Variants in THRB observed in about 807,000 individuals in gnomAD.
THRB encodes the protein thyroid hormone receptor beta, also known as nuclear receptor subfamily 1 group A member 2.
THRB carries 12 observed loss-of-function variants against 47.8 expected under a neutral mutation model. The observed-to-expected ratio is 0.25, with a 90% confidence interval of 0.16 to 0.41. The LOEUF is 0.41. THRB is among the 10% of genes least tolerant of loss of function. THRB has a pLI of 1.00. For missense variants in THRB, 348 were observed against 589.2 expected (o/e 0.59, Z 4.24); for synonymous variants, 218 against 212.2 (o/e 1.03, Z -0.24).
At chr3:24,334,974 C>A (rs9823395) in intron 2 of THRB, among the ~76,000 whole-genome samples, 2 of 151,946 alleles carry the variant, frequency 1.3e-5, no homozygotes, top group Non-Finnish European at 2.9e-5. Flanking sequence ...TTCTCACTTA[C>A]GGAATTCTTT....
chr3:24,127,909 C>T (rs1483535532), intron 9 of THRB, 152 bp from the exon 10 acceptor site: 1 of 918,394 alleles, frequency 1.1e-6, no homozygotes, highest in Non-Finnish European at 1.7e-6. Context: ...CCCTACTTGG[C>T]TGCAGACTTT....
chr3:24,274,711 T>C (rs533651817), intron 3 of THRB, among the ~76,000 whole-genome samples: 41 of 152,324 alleles, frequency 2.7e-4, no homozygotes, highest in African/African-American at 9.4e-4. Flanking sequence ...AAGATTCATC[T>C]TATTTGGTTC....
chr3:24,183,368 C>CTT (rs1193344905), intron 5 of THRB, among the ~76,000 whole-genome samples: 6,804 of 84,044 alleles, frequency 0.081, 616 homozygotes, highest in African/African-American at 0.23. Context: ...TTTTTCTTTT[C>CTT]TTTTTTTTTT....
At chr3:24,145,413 C>T (rs2035954776) in intron 7 of THRB, among the ~76,000 whole-genome samples, 1 of 152,130 alleles carries the variant, frequency 6.6e-6, no homozygotes, top group African/African-American at 2.4e-5. Flanking sequence ...TTTTAAACCT[C>T]ATAGACACTA....
In THRB at chr3:24,210,406, G is replaced by GTT. The variant is rs754811936; in HGVS notation, c.22+18530_22+18531dup. Reference sequence around the variant, plus strand: ...GGATCTCACCCAGGTTGGTTTATTTGTTTGTTTTTTTTTTTTGCTTCTGTG... The same window carrying GTT: ...GGATCTCACCCAGGTTGGTTTATTTGTTTTTGTTTTTTTTTTTTGCTTCTGTG... On this transcript the variant is annotated intron_variant, in intron 4 of 10. Transcript: ENST00000646209. 1.2e-3 allele frequency among the ~76,000 whole-genome samples: 179 copies of GTT among 150,324 alleles called. 5 individuals carry two copies. The South Asian group carries it at 0.035, about 29-fold the overall frequency.
intron 3 of THRB, among the ~76,000 whole-genome samples, chr3:24,229,479 C>A (rs4858593): frequency 0.58 from 88,014 of 152,028 alleles, 26,090 homozygotes; most frequent in African/African-American, 0.66. Context: ...TGTGCACTTT[C>A]AAGTCATAGA....
intron 1 of THRB, among the ~76,000 whole-genome samples, chr3:24,489,997 T>C (rs1262205043): frequency 6.6e-6 from 1 of 152,202 alleles, no homozygotes; most frequent in Non-Finnish European, 1.5e-5. Context: ...ACATGGGCTA[T>C]AGAAATCACA....
At chr3:24,207,321 G>T (rs942056236) in intron 4 of THRB, among the ~76,000 whole-genome samples, 4 of 152,108 alleles carry the variant, frequency 2.6e-5, no homozygotes, top group African/African-American at 7.2e-5. Flanking sequence ...TTCATCCCTG[G>T]GATGCAAGGC....
At chr3:24,401,895 T>C (rs2067432285) in intron 1 of THRB, among the ~76,000 whole-genome samples, 2 of 152,022 alleles carry the variant, frequency 1.3e-5, no homozygotes, top group South Asian at 4.1e-4. Flanking sequence ...TTTGAGAAGC[T>C]CTGCTCAATA....
chr3:24,200,856 C>T (rs920342836), intron 4 of THRB, among the ~76,000 whole-genome samples: 1 of 152,136 alleles, frequency 6.6e-6, no homozygotes, highest in Non-Finnish European at 1.5e-5. Context: ...TCCTTGAGAG[C>T]AGGCGCTTTT....
At chr3:24,367,672 G>C (rs1235552508) in intron 1 of THRB, among the ~76,000 whole-genome samples, 1 of 152,130 alleles carries the variant, frequency 6.6e-6, no homozygotes, top group Non-Finnish European at 1.5e-5. Flanking sequence ...TACATGCACT[G>C]TTGTAACATG....
chr3:24,253,765 C>T (rs1185670882), intron 3 of THRB, among the ~76,000 whole-genome samples: 1 of 152,120 alleles, frequency 6.6e-6, no homozygotes, highest in Non-Finnish European at 1.5e-5. Context: ...AAATAAAACA[C>T]ATCTTGCTAG....
intron 1 of THRB, among the ~76,000 whole-genome samples, chr3:24,437,683 A>T (rs745418660): frequency 6.6e-6 from 1 of 152,112 alleles, no homozygotes; most frequent in Non-Finnish European, 1.5e-5. Flanking sequence ...CTGGAAAAAA[A>T]GGTGGGTAAC....
At chr3:24,395,645 C>T (rs1232786141) in intron 1 of THRB, among the ~76,000 whole-genome samples, 1 of 152,026 alleles carries the variant, frequency 6.6e-6, no homozygotes, top group Non-Finnish European at 1.5e-5. Flanking sequence ...GAAATTGGAA[C>T]CCTTATATGC....
chr3:24,356,331 G>A (rs908980473), intron 1 of THRB, among the ~76,000 whole-genome samples: 2 of 152,114 alleles, frequency 1.3e-5, no homozygotes, highest in East Asian at 3.9e-4. Flanking sequence ...CAAGACTTTA[G>A]TGGAAGGCTG....
intron 5 of THRB, among the ~76,000 whole-genome samples, chr3:24,173,623 A>G (rs2040742199): frequency 6.6e-6 from 1 of 152,322 alleles, no homozygotes; most frequent in South Asian, 2.1e-4. Context: ...ATGGTATACC[A>G]GAAACCTCCA....
chr3:24,262,008 T>A (rs977428947), intron 3 of THRB, among the ~76,000 whole-genome samples: 1 of 152,160 alleles, frequency 6.6e-6, no homozygotes, highest in Middle Eastern at 3.2e-3. Flanking sequence ...TAAATATTAT[T>A]CATAAGGTTA....
intron 1 of THRB, among the ~76,000 whole-genome samples, chr3:24,490,435 C>A (rs1697965322): frequency 6.6e-6 from 1 of 152,190 alleles, no homozygotes; most frequent in African/African-American, 2.4e-5. Flanking sequence ...AAGAGAAGCA[C>A]TGCCTTTTCT....
chr3:24,248,583 T>C (rs889238274), intron 3 of THRB, among the ~76,000 whole-genome samples: 1 of 152,272 alleles, frequency 6.6e-6, no homozygotes, highest in South Asian at 2.1e-4. Flanking sequence ...CCAGAGTCCC[T>C]TGCCAGAGGG....
Sources: allele counts gnomAD v4.1 joint callset (sites outside exome capture counted in the v4.1 genomes callset), GRCh38; gene constraint gnomAD v4.1.1; transcripts MANE v1.5; gene names NCBI Gene and HGNC (gene_info 2026-07-23, HGNC 2026-07-21).